CMIP: variants seen among roughly 807,000 people sequenced by gnomAD.
CMIP encodes the protein c-Maf inducing protein.
In CMIP, 13 loss-of-function variants were observed where a neutral mutation model predicts 97.3. The ratio of observed to expected loss-of-function variants is 0.13; its 90% CI spans 0.09 to 0.21. CMIP has a LOEUF of 0.21. CMIP is among the 10% of genes least tolerant of loss of function. The probability of loss-of-function intolerance (pLI) is 1.00; values close to 1 mark genes in which losing one functional copy is unlikely to be tolerated. For synonymous variants in CMIP, 538 were observed against 436.3 expected, an observed-to-expected ratio of 1.23 and a Z score of -2.91; for missense variants, 847 against 1,024.9, an observed-to-expected ratio of 0.83 and a Z score of 2.37.
At chr16:81,492,406 G>A (rs1422860786) in intron 1 of CMIP, among the ~76,000 whole-genome samples, 2 of 152,222 alleles carry the variant, frequency 1.3e-5, no homozygotes, top group Non-Finnish European at 2.9e-5. Context: ...TGAGTCCTCT[G>A]TCCCTCTGTC....
chr16:81,693,287 C>A lies in CMIP; in HGVS notation c.1481+103C>A, dbSNP rs529918756. The stretch of plus-strand genomic sequence containing the variant: ...GCATTCTGGGAGGCAGTGGTGGCTC[C>A]TCTTGGCAGTTCTCTTGAGACACGT... On this transcript the variant is annotated intron_variant, in intron 12 of 20. Transcript: ENST00000537098. 3.1e-4 allele frequency: 438 copies of A among 1,404,974 alleles called. 7 individuals are homozygous for A. In the South Asian group the frequency reaches 5.0e-3, roughly 16 times the overall value. The allele number at this position is 1,404,974 out of a possible 1,614,324, so 87.0% of individuals were successfully genotyped here.
intron 3 of CMIP, among the ~76,000 whole-genome samples, chr16:81,640,774 C>T (rs1203852676): frequency 1.6e-5 from 1 of 64,138 alleles, no homozygotes; most frequent in African/African-American, 4.6e-5. Flanking sequence ...GTGTGTGTCT[C>T]TCTCTCTCTC....
intron 1 of CMIP, among the ~76,000 whole-genome samples, chr16:81,465,400 G>A (rs527845892): frequency 2.6e-5 from 4 of 152,294 alleles, no homozygotes; most frequent in South Asian, 2.1e-4. Context: ...ACCAGGTTGC[G>A]TCCTTGATAG....
chr16:81,486,862 C>T (rs751972735), intron 1 of CMIP, among the ~76,000 whole-genome samples: 51 of 152,262 alleles, frequency 3.3e-4, no homozygotes, highest in Non-Finnish European at 5.6e-4. Flanking sequence ...ATTTTCCCCT[C>T]ATCTCAACCC....
chr16:81,513,923 C>T (rs1166903922), intron 1 of CMIP, among the ~76,000 whole-genome samples: 1 of 152,186 alleles, frequency 6.6e-6, no homozygotes, highest in African/African-American at 2.4e-5. Flanking sequence ...GGCATTCTTG[C>T]CCCCACTGCC....
intron 2 of CMIP, 142 bp from the exon 3 acceptor site, chr16:81,620,734 A>C: frequency 1.1e-6 from 1 of 939,876 alleles, no homozygotes; most frequent in Non-Finnish European, 1.6e-6. Flanking sequence ...TCAGCTTAGC[A>C]TATCTTTCAG....
intron 1 of CMIP, among the ~76,000 whole-genome samples, chr16:81,524,174 A>G (rs1314333745): frequency 3.9e-5 from 6 of 152,228 alleles, no homozygotes; most frequent in Non-Finnish European, 8.8e-5. Flanking sequence ...CTGTAATGCC[A>G]CGATCCATTG....
intron 10 of CMIP, among the ~76,000 whole-genome samples, chr16:81,688,252 C>T (rs931714980): frequency 6.6e-6 from 1 of 152,206 alleles, no homozygotes; most frequent in Admixed American, 6.5e-5. Flanking sequence ...TCTCTGCACA[C>T]AGGAAGGAGG....
chr16:81,598,239 G>T (rs1460188715), intron 1 of CMIP, among the ~76,000 whole-genome samples: 1 of 151,204 alleles, frequency 6.6e-6, no homozygotes, highest in Non-Finnish European at 1.5e-5. Flanking sequence ...CTGACCAACG[G>T]GGGTATCGTC....
intron 1 of CMIP, among the ~76,000 whole-genome samples, chr16:81,568,623 T>C (rs1476428742): frequency 6.6e-6 from 1 of 152,208 alleles, no homozygotes; most frequent in Non-Finnish European, 1.5e-5. Flanking sequence ...AACTTTTACA[T>C]TTGTTTCTCG....
At chr16:81,539,159 A>G (rs1028490143) in intron 1 of CMIP, among the ~76,000 whole-genome samples, 1 of 152,234 alleles carries the variant, frequency 6.6e-6, no homozygotes, top group Non-Finnish European at 1.5e-5. Context: ...TCTTGCAGCG[A>G]AACAGTTGGG....
At chr16:81,457,554 A>G (rs1392273759) in intron 1 of CMIP, among the ~76,000 whole-genome samples, 1 of 152,170 alleles carries the variant, frequency 6.6e-6, no homozygotes, top group Non-Finnish European at 1.5e-5. Flanking sequence ...ACTGCTCCCC[A>G]CAGTTGTAAC....
chr16:81,656,097 A>G (rs879841735), intron 4 of CMIP, among the ~76,000 whole-genome samples: 1 of 152,326 alleles, frequency 6.6e-6, no homozygotes, highest in East Asian at 1.9e-4. Context: ...ATCCTTTCAC[A>G]TGCCTGCATT....
At chr16:81,682,130 G>C (rs901551104) in intron 10 of CMIP, among the ~76,000 whole-genome samples, 7 of 152,168 alleles carry the variant, frequency 4.6e-5, no homozygotes, top group African/African-American at 1.7e-4. Context: ...TTGAACCCCG[G>C]GGGGCGGAGG....
intron 9 of CMIP, among the ~76,000 whole-genome samples, chr16:81,677,160 A>G (rs1164402247): frequency 1.3e-5 from 2 of 152,070 alleles, no homozygotes; most frequent in Non-Finnish European, 2.9e-5. Flanking sequence ...AGGAAGGGCA[A>G]GAGTAGCAGG....
At chr16:81,669,826 C>G (rs1009978081) in intron 7 of CMIP, among the ~76,000 whole-genome samples, 2 of 152,210 alleles carry the variant, frequency 1.3e-5, no homozygotes, top group Admixed American at 1.3e-4. Flanking sequence ...CTCTCTTGTC[C>G]CCCCAGCCTT....
chr16:81,607,420 C>G, intron 1 of CMIP, 147 bp from the exon 2 acceptor site: 1 of 1,002,790 alleles, frequency 1.0e-6, no homozygotes, highest in East Asian at 2.4e-5. Context: ...GGGAGGCTTG[C>G]TTTGGTCACC....
At chr16:81,554,511 C>G (rs528014688) in intron 1 of CMIP, among the ~76,000 whole-genome samples, 13 of 152,336 alleles carry the variant, frequency 8.5e-5, no homozygotes, top group African/African-American at 2.6e-4. Flanking sequence ...CACAACACAC[C>G]TCCAGGAGGC....
intron 1 of CMIP, among the ~76,000 whole-genome samples, chr16:81,568,039 G>GT (rs1555531346): frequency 0.02 from 1,681 of 82,560 alleles, 22 homozygotes; most frequent in African/African-American, 0.029. Flanking sequence ...GTGTGTGTGT[G>GT]TTTTTTTTTT....
Sources: allele counts gnomAD v4.1 joint callset (sites outside exome capture counted in the v4.1 genomes callset), GRCh38; gene constraint gnomAD v4.1.1; transcripts MANE v1.5; gene names NCBI Gene and HGNC (gene_info 2026-07-23, HGNC 2026-07-21).